The following TRPM7 variants were observed in gnomAD, a reference collection of about 807,000 sequenced individuals.
TRPM7 encodes the protein LTRPC ion channel family member 7.
In TRPM7, 134 loss-of-function variants were observed where a neutral mutation model predicts 229.7. The observed-to-expected ratio is 0.58, with a 90% CI of 0.51 to 0.67. The LOEUF is 0.67. TRPM7 is among the 30% of genes least tolerant of loss of function. The pLI is 0.00. For missense variants in TRPM7, 1,901 were observed against 2,210.0 expected (o/e 0.86, Z 2.80); for synonymous variants, 699 against 715.2 (o/e 0.98, Z 0.36).
intron 36 of TRPM7, among the ~76,000 whole-genome samples, chr15:50,572,220 A>T (rs922602209): frequency 1.3e-5 from 2 of 152,192 alleles, no homozygotes; most frequent in Non-Finnish European, 2.9e-5. Context: ...AAGGAGTTTG[A>T]GGTTGCAGTG....
In TRPM7 at chr15:50,628,269, A is replaced by C; in HGVS notation, c.1205-20T>G. On this transcript the variant is annotated intron_variant, in intron 10 of 38. Coordinates refer to ENST00000646667, the MANE Select transcript of TRPM7 (RefSeq NM_017672.6). ...TAGTACCTAATCGAATAAAGAAAATAGTTGACAGGTTCAATTAATTTATCT... is the reference window on the plus strand; with the variant it reads ...TAGTACCTAATCGAATAAAGAAAATCGTTGACAGGTTCAATTAATTTATCT... 1 of 1,526,976 alleles carries C rather than the reference A, an allele frequency of 6.5e-7. No individual in the cohort carries two copies. Among genetic ancestry groups the C allele is most frequent in the Non-Finnish European group, 9.0e-7 (1 of 1,109,964 alleles). The allele number at this position is 1,526,976 out of a possible 1,614,324, so 94.6% of individuals were successfully genotyped here.
chr15:50,579,575 T>A (rs1292305762), intron 30 of TRPM7, among the ~76,000 whole-genome samples: 1 of 152,216 alleles, frequency 6.6e-6, no homozygotes, highest in Non-Finnish European at 1.5e-5. Context: ...GACAATGTTC[T>A]GTTGTTAGAC....
chr15:50,640,841 A>G (rs1450765546), intron 5 of TRPM7, among the ~76,000 whole-genome samples: 1 of 152,196 alleles, frequency 6.6e-6, no homozygotes, highest in Non-Finnish European at 1.5e-5. Context: ...GGAGGCCATG[A>G]GAGGGAGGAC....
intron 15 of TRPM7, among the ~76,000 whole-genome samples, chr15:50,613,267 G>A (rs2060114205): frequency 6.6e-6 from 1 of 152,100 alleles, no homozygotes. Flanking sequence ...AGTTTGGGAG[G>A]CTGAGGAGGA....
At position 50,575,801 on chromosome 15, in the gene TRPM7, TGAGA is replaced by T; in HGVS notation, c.4670-16_4670-13del. 2 of 1,613,422 alleles carry T rather than the reference TGAGA, an allele frequency of 1.2e-6. No individual in the cohort carries two copies. The highest frequency in any genetic ancestry group is 1.7e-6 in the Non-Finnish European group (2 of 1,179,672). ...ATTTCTTTCCACAGCTGCATAAAAA[TGAGA>T]GAGAAATAATTAAATCTGTAAAGGT... On this transcript the variant is annotated splice_polypyrimidine_tract_variant and intron_variant, in intron 32 of 38. Coordinates refer to ENST00000646667, the MANE Select transcript of TRPM7 (RefSeq NM_017672.6).
chr15:50,560,867 C>G lies in TRPM7; in HGVS notation c.*811G>C, dbSNP rs1043170517. On this transcript the variant is annotated 3_prime_UTR_variant, in exon 39 of 39. Coordinates refer to ENST00000646667, the MANE Select transcript of TRPM7 (RefSeq NM_017672.6). ...ATAGATACAGATAGGGAAAAAAGTA[C>G]TTTAACTTTCCTCAAAAGGTAACTT... 4 of 152,592 alleles carry G rather than the reference C, an allele frequency of 2.6e-5. No homozygotes were observed. The highest frequency in any genetic ancestry group is 9.6e-5 in the African/African-American group (4 of 41,452). The allele number at this position is 152,592 out of a possible 1,614,324, so 9.5% of individuals were successfully genotyped here. A position where few individuals can be genotyped will look rare whatever the true frequency, so the allele number is the denominator to read the frequency against.
intron 1 of TRPM7, among the ~76,000 whole-genome samples, chr15:50,665,589 A>C (rs1016620913): frequency 3.3e-5 from 5 of 152,234 alleles, no homozygotes; most frequent in Non-Finnish European, 7.3e-5. Flanking sequence ...TAAAAATTTT[A>C]AATTCTTAGA....
intron 3 of TRPM7, 120 bp from the exon 4 acceptor site, chr15:50,649,005 A>T: frequency 1.5e-6 from 1 of 649,278 alleles, no homozygotes; most frequent in African/African-American, 1.9e-5. Flanking sequence ...TTATATAAGT[A>T]TAAAAATAAG....
chr15:50,663,734 G>A (rs2061797849), intron 1 of TRPM7, among the ~76,000 whole-genome samples: 1 of 152,154 alleles, frequency 6.6e-6, no homozygotes, highest in Non-Finnish European at 1.5e-5. Flanking sequence ...GGGAGCCAAG[G>A]TGAGAGGATC....
intron 4 of TRPM7, among the ~76,000 whole-genome samples, chr15:50,646,823 T>C (rs1457226792): frequency 6.6e-6 from 1 of 152,218 alleles, no homozygotes; most frequent in Non-Finnish European, 1.5e-5. Context: ...TATAATACCA[T>C]ACTTCTGTAC....
chr15:50,585,042 A>ATT (rs2054620284), intron 28 of TRPM7, among the ~76,000 whole-genome samples: 14 of 108,772 alleles, frequency 1.3e-4, no homozygotes, highest in African/African-American at 3.0e-4. Flanking sequence ...CATCTAGCTA[A>ATT]TTTTTGTATT....
chr15:50,611,916 T>G (rs1413155656), intron 16 of TRPM7, among the ~76,000 whole-genome samples: 6 of 152,226 alleles, frequency 3.9e-5, no homozygotes, highest in Non-Finnish European at 8.8e-5. Context: ...TAAACTTTTA[T>G]GAACTATGTC....
intron 3 of TRPM7, among the ~76,000 whole-genome samples, chr15:50,654,655 A>T (rs530377172): frequency 6.6e-6 from 1 of 151,572 alleles, no homozygotes; most frequent in East Asian, 1.9e-4. Context: ...ACTATAACAA[A>T]GAATCAAATA....
intron 1 of TRPM7, among the ~76,000 whole-genome samples, chr15:50,673,281 A>G (rs2062028958): frequency 1.3e-5 from 2 of 151,978 alleles, no homozygotes; most frequent in Admixed American, 6.6e-5. Context: ...TTTTTTACTT[A>G]TTTCCATAGG....
chr15:50,642,870 A>T (rs1423437791), intron 5 of TRPM7, among the ~76,000 whole-genome samples: 4 of 151,568 alleles, frequency 2.6e-5, no homozygotes, highest in South Asian at 2.1e-4. Flanking sequence ...TTTTTTTTTT[A>T]AAGACAAAAT....
At chr15:50,668,467 CTATT>C (rs2061929125) in intron 1 of TRPM7, among the ~76,000 whole-genome samples, 1 of 152,220 alleles carries the variant, frequency 6.6e-6, no homozygotes, top group Non-Finnish European at 1.5e-5. Context: ...AATTTGGAGA[CTATT>C]TATGAGTACT....
chr15:50,607,443 C>T, intron 19 of TRPM7, 115 bp from the exon 20 acceptor site: 1 of 850,808 alleles, frequency 1.2e-6, no homozygotes, highest in Non-Finnish European at 1.7e-6. Context: ...TGTAAATTAT[C>T]TCCTAGTTTC....
intron 25 of TRPM7, 128 bp downstream of exon 25, chr15:50,593,489 A>G (rs2059556493): frequency 1.0e-6 from 1 of 993,916 alleles, no homozygotes; most frequent in Non-Finnish European, 1.5e-6. Flanking sequence ...TCTTTCCAAT[A>G]CATCATGTAA....
intron 27 of TRPM7, 146 bp from the exon 28 acceptor site, chr15:50,586,634 G>A (rs1042446304): frequency 2.1e-6 from 1 of 486,426 alleles, no homozygotes; most frequent in African/African-American, 2.0e-5. Flanking sequence ...ATAGATTATG[G>A]TTATTTTCTT....
Sources: gnomAD v4.1 joint callset for allele counts (sites outside exome capture counted in the v4.1 genomes callset) on GRCh38, gnomAD v4.1.1 for gene constraint, MANE v1.5 for transcripts, NCBI Gene and HGNC (gene_info 2026-07-23, HGNC 2026-07-21) for gene names.